NSUN4: variants seen among roughly 807,000 people sequenced by gnomAD.
NSUN4 encodes the protein NOP2/Sun RNA methyltransferase 4.
Under a neutral mutation model 43.8 loss-of-function variants are expected in NSUN4, and 31 were observed. The observed-to-expected ratio is 0.71, with a 90% confidence interval of 0.53 to 0.96. The LOEUF (loss-of-function observed/expected upper bound fraction) is 0.96, where lower values mean the gene tolerates loss of function less well. Among genes scored for constraint, NSUN4 ranks in the 40% least tolerant of loss-of-function variants. The pLI is 0.00. For synonymous variants in NSUN4, 167 were observed against 184.1 expected (o/e 0.91, Z 0.75); for missense variants, 439 against 475.6 (o/e 0.92, Z 0.72).
chr1:46,346,796 G>A, intron 2 of NSUN4, 125 bp from the exon 3 acceptor site: 1 of 685,686 alleles, frequency 1.5e-6, no homozygotes, highest in East Asian at 2.5e-5. Flanking sequence ...AAGTAAGTGT[G>A]GGTCTGAAAA....
chr1:46,351,181 C>T, intron 3 of NSUN4, among the ~76,000 whole-genome samples: 1 of 152,116 alleles, frequency 6.6e-6, no homozygotes, highest in East Asian at 1.9e-4. Flanking sequence ...GCCTGACCAA[C>T]ATGGAGAAAC....
Position 46,361,928 on chromosome 1 carries a change from G to A in NSUN4, c.*82G>A. 7.9e-7 allele frequency: 1 copy of A among 1,268,998 alleles called. No individual in the cohort carries two copies. Among genetic ancestry groups the A allele is most frequent in the Non-Finnish European group, 1.1e-6 (1 of 909,822 alleles). 78.6% of individuals were successfully genotyped at this position (1,268,998 alleles called of 1,614,324 possible). On this transcript the variant is annotated 3_prime_UTR_variant, in exon 6 of 6. Transcript: ENST00000474844. ...AAACTGGAAACTGGGACCAGTGGCA[G>A]AGATGCACTCTCGGTCCTGTCTCCA...
At chr1:46,343,235 C>T (rs755305778) in intron 1 of NSUN4, 46 of 384,966 alleles carry the variant, frequency 1.2e-4, no homozygotes, top group Non-Finnish European at 1.9e-4. Flanking sequence ...CTCCCAGGGG[C>T]CCACCCCAAC....
intron 1 of NSUN4, chr1:46,341,577 A>C: frequency 8.5e-7 from 1 of 1,179,158 alleles, no homozygotes; most frequent in Non-Finnish European, 1.0e-6. Flanking sequence ...AAGCCCTGGA[A>C]TTTCTTCTAT....
chr1:46,353,738 A>G (rs906705240), intron 4 of NSUN4, among the ~76,000 whole-genome samples: 1 of 152,022 alleles, frequency 6.6e-6, no homozygotes, highest in Non-Finnish European at 1.5e-5. Context: ...CGGCCTCCCA[A>G]AGTGCTAGGA....
rs966698651 is a variant in NSUN4, at chr1:46,346,176, T to A, written c.438-745T>A. 1.3e-4 allele frequency among the ~76,000 whole-genome samples: 19 copies of A among 148,040 alleles called. 1 individual carries two copies. Among genetic ancestry groups the A allele is most frequent in the Admixed American group, 4.7e-4 (7 of 14,824 alleles). On this transcript the variant is annotated intron_variant, in intron 2 of 5. Transcript: ENST00000474844. The stretch of plus-strand genomic sequence containing the variant: ...AAAAAAAAAAAAAAAAAAAATTATC[T>A]ACCAAATGCTAGGCATTTAAGTGCC...
Position 46,341,080 on chromosome 1 carries a change from C to G in NSUN4, c.93+161C>G, listed in dbSNP as rs985915814. 2.6e-4 allele frequency: 301 copies of G among 1,170,312 alleles called. 1 individual carries two copies. The highest frequency in any genetic ancestry group is 8.8e-4 in the Admixed American group (29 of 32,798). The allele number at this position is 1,170,312 out of a possible 1,614,324, so 72.5% of individuals were successfully genotyped here. On this transcript the variant is annotated intron_variant, in intron 1 of 5. Transcript: ENST00000474844. The stretch of plus-strand genomic sequence containing the variant: ...CGTCTTTTCCGTCACCGCCTCTGTC[C>G]GCACTCTATGTCCCGAGCGTTAGTG...
At chr1:46,348,821 T>G (rs1191105813) in intron 3 of NSUN4, among the ~76,000 whole-genome samples, 16 of 142,064 alleles carry the variant, frequency 1.1e-4, no homozygotes, top group African/African-American at 2.2e-4. Context: ...TTTTTTTTTT[T>G]TTTTTTTTTT....
intron 3 of NSUN4, among the ~76,000 whole-genome samples, chr1:46,349,747 G>T (rs920703548): frequency 1.3e-5 from 2 of 152,200 alleles, no homozygotes; most frequent in Non-Finnish European, 2.9e-5. Flanking sequence ...AGAAGAAAAG[G>T]TGGGGTCATG....
At chr1:46,376,911 C>G in the NSUN4 span, among the ~76,000 whole-genome samples, 1 of 151,894 alleles carries the variant, frequency 6.6e-6, no homozygotes, top group Non-Finnish European at 1.5e-5. Flanking sequence ...GTGCACACCA[C>G]CATGCCTGGC....
the NSUN4 span, among the ~76,000 whole-genome samples, chr1:46,377,850 A>G: frequency 6.6e-6 from 1 of 152,322 alleles, no homozygotes; most frequent in South Asian, 2.1e-4. Context: ...GAGTAAAGAA[A>G]CTAACCCCAT....
At chr1:46,356,014 CA>C (rs56024628) in intron 4 of NSUN4, among the ~76,000 whole-genome samples, 34,831 of 123,640 alleles carry the variant, frequency 0.28, 4,446 homozygotes, top group Non-Finnish European at 0.34. Context: ...GACTTTGTCT[CA>C]AAAAAAAAAA....
At chr1:46,376,901 G>T in the NSUN4 span, among the ~76,000 whole-genome samples, 7 of 151,936 alleles carry the variant, frequency 4.6e-5, no homozygotes, top group African/African-American at 1.7e-4. Flanking sequence ...GGGATTACAG[G>T]TGCACACCAC....
the NSUN4 span, among the ~76,000 whole-genome samples, chr1:46,378,349 C>T: frequency 6.6e-6 from 1 of 152,186 alleles, no homozygotes; most frequent in Non-Finnish European, 1.5e-5. Context: ...AGGTGTGTGT[C>T]ACCACACCCC....
At chr1:46,383,087 G>C in the NSUN4 span, among the ~76,000 whole-genome samples, 1 of 152,210 alleles carries the variant, frequency 6.6e-6, no homozygotes, top group Admixed American at 6.5e-5. Context: ...CTGCTTCTTG[G>C]ATGTAAAATC....
downstream of NSUN4, among the ~76,000 whole-genome samples, chr1:46,365,984 C>T (rs542934375): frequency 3.9e-5 from 6 of 152,038 alleles, no homozygotes; most frequent in Admixed American, 2.6e-4. Flanking sequence ...AAAAATTAGC[C>T]GGGTGTGGTG....
downstream of NSUN4, among the ~76,000 whole-genome samples, chr1:46,369,731 T>C (rs1664207510): frequency 6.6e-6 from 1 of 151,128 alleles, no homozygotes; most frequent in Non-Finnish European, 1.5e-5. Context: ...TATCCTGCAG[T>C]GTAAGGAGAA....
chr1:46,356,656 G>C (rs1663396129), intron 4 of NSUN4, among the ~76,000 whole-genome samples: 1 of 151,716 alleles, frequency 6.6e-6, no homozygotes, highest in Non-Finnish European at 1.5e-5. Flanking sequence ...TCGCGCCACT[G>C]CACTCCAGCC....
chr1:46,367,921 C>T (rs1194692041), downstream of NSUN4, among the ~76,000 whole-genome samples: 3 of 151,042 alleles, frequency 2.0e-5, no homozygotes, highest in East Asian at 1.9e-4. Flanking sequence ...CATGCCACCG[C>T]GCCTGGCTAA....
Sources: allele counts gnomAD v4.1 joint callset (sites outside exome capture counted in the v4.1 genomes callset), GRCh38; gene constraint gnomAD v4.1.1; transcripts MANE v1.5; gene names NCBI Gene and HGNC (gene_info 2026-07-23, HGNC 2026-07-21).